ENOX2: variants seen among roughly 807,000 people sequenced by gnomAD.
ENOX2 encodes ecto-NOX disulfide-thiol exchanger 2.
A neutral mutation model predicts 45.0 loss-of-function variants in ENOX2; 36 were observed. The observed-to-expected ratio is 0.80, with a 90% CI of 0.61 to 1.06. The LOEUF is 1.06. Ranked by LOEUF, ENOX2 falls within the 50% of genes least tolerant of loss-of-function variation. The pLI, the probability that ENOX2 is intolerant of heterozygous loss-of-function variation, is 0.00. For missense variants in ENOX2, 423 were observed against 462.5 expected (o/e 0.91, Z 0.78); for synonymous variants, 174 against 152.3 (o/e 1.14, Z -1.05).
At chrX:130,870,500 T>G (rs1484362208) in intron 2 of ENOX2, among the ~76,000 whole-genome samples, 1 of 111,201 alleles carries the variant, frequency 9.0e-6, no homozygotes, top group Non-Finnish European at 1.9e-5. Context: ...CATCAGCAAA[T>G]CCCATTCTAC....
chrX:130,691,337 G>A (rs2148187531), intron 4 of ENOX2, among the ~76,000 whole-genome samples: 1 of 111,593 alleles, frequency 9.0e-6, no homozygotes, highest in South Asian at 3.8e-4. Context: ...TTTAAAATGT[G>A]AAAACTCACA....
At chrX:130,772,575 G>T (rs1030512516) in intron 3 of ENOX2, among the ~76,000 whole-genome samples, 22 of 111,839 alleles carry the variant, frequency 2.0e-4, no homozygotes, top group Non-Finnish European at 3.4e-4. Flanking sequence ...AAAAAGCCTG[G>T]TCACTGTGGT....
intron 3 of ENOX2, among the ~76,000 whole-genome samples, chrX:130,739,188 C>T (rs891753069): frequency 5.3e-5 from 6 of 112,351 alleles, no homozygotes; most frequent in African/African-American, 9.7e-5. Flanking sequence ...AATCTTTTCC[C>T]GGGCTAGTGA....
At position 130,847,150 on chromosome X, in the gene ENOX2, G is replaced by A. The variant is rs753914953; in HGVS notation, c.-183+54534C>T. Among the ~76,000 whole-genome samples, 12 of 110,706 alleles carry A rather than the reference G, an allele frequency of 1.1e-4. No homozygotes were observed. In the South Asian group the frequency reaches 4.2e-3, roughly 39 times the overall value. ...GTGAGTTCAGCCTGAGGTAAGCATT[G>A]AGGTCTAGTTTAATGGAGGATGAAG... On this transcript the variant is annotated intron_variant, in intron 2 of 14. Transcript: ENST00000394363.
In ENOX2 at chrX:130,679,676, T is replaced by C. The variant is rs2037249688; in HGVS notation, c.326A>G (p.Asn109Ser). The change falls in exon 6 of 15, where the codon AAT becomes AGT. Residue 109 changes from asparagine (N) to serine (S), a missense_variant. Physicochemically the swap from Asn to Ser is conservative, Grantham distance 46. Transcript: ENST00000394363. ...TTCCACAATGATTTGCTCTGTCCCA[T>C]TTTCAGGCAGACCACCCACAAATAC... is the stretch of plus-strand genomic sequence containing the variant. ...KTVFVGGLPENGTEQIIVEVF... is the reference protein window; with the variant it reads ...KTVFVGGLPESGTEQIIVEVF... The C allele has an allele frequency of 1.7e-6, 2 of 1,209,098 alleles. No individual in the cohort carries two copies. Among genetic ancestry groups the C allele is most frequent in the African/African-American group, 1.7e-5 (1 of 57,208 alleles).
chrX:130,633,186 T>C (rs1207042859), intron 12 of ENOX2, among the ~76,000 whole-genome samples: 3 of 112,031 alleles, frequency 2.7e-5, no homozygotes, highest in African/African-American at 9.7e-5. Flanking sequence ...GTCACACTGT[T>C]ATACTGCAAA....
intron 3 of ENOX2, among the ~76,000 whole-genome samples, chrX:130,719,680 G>A (rs772238700): frequency 3.0e-4 from 34 of 111,701 alleles, no homozygotes; most frequent in Non-Finnish European, 5.5e-4. Flanking sequence ...CCAGCCAAAG[G>A]GGTTAATGGA....
At chrX:130,732,390 T>C (rs1436219393) in intron 3 of ENOX2, among the ~76,000 whole-genome samples, 2 of 111,806 alleles carry the variant, frequency 1.8e-5, no homozygotes, top group Non-Finnish European at 3.8e-5. Context: ...TGTTCATGGA[T>C]TGAAGACTTA....
intron 2 of ENOX2, among the ~76,000 whole-genome samples, chrX:130,898,511 T>TGTGTGC (rs1231244585): frequency 4.5e-5 from 5 of 110,452 alleles, no homozygotes; most frequent in African/African-American, 1.6e-4. Flanking sequence ...TGTGCGTGTG[T>TGTGTGC]GTGTGTGTAT....
At chrX:130,860,557 C>T (rs908341670) in intron 2 of ENOX2, among the ~76,000 whole-genome samples, 1 of 111,678 alleles carries the variant, frequency 9.0e-6, no homozygotes, top group Non-Finnish European at 1.9e-5. Flanking sequence ...TAACCTCCTT[C>T]CTCAGAAGGA....
At chrX:130,746,302 C>T (rs1277011450) in intron 3 of ENOX2, among the ~76,000 whole-genome samples, 4 of 112,083 alleles carry the variant, frequency 3.6e-5, no homozygotes, top group African/African-American at 9.7e-5. Context: ...ACTTCAGTCA[C>T]GTCTGCTGTC....
chrX:130,880,344 AT>A (rs908510313), intron 2 of ENOX2, among the ~76,000 whole-genome samples: 2 of 109,985 alleles, frequency 1.8e-5, no homozygotes, highest in African/African-American at 3.3e-5. Context: ...CTATCCATGT[AT>A]TTTTTTTTCC....
intron 3 of ENOX2, among the ~76,000 whole-genome samples, chrX:130,759,493 G>C (rs748356453): frequency 9.4e-6 from 1 of 106,604 alleles, no homozygotes; most frequent in Non-Finnish European, 1.9e-5. Context: ...CCAGGAGGCT[G>C]GGGCAGGAGA....
At chrX:130,866,108 A>G (rs1466617012) in intron 2 of ENOX2, among the ~76,000 whole-genome samples, 1 of 111,277 alleles carries the variant, frequency 9.0e-6, no homozygotes, top group Non-Finnish European at 1.9e-5. Flanking sequence ...CTGTTCTTTC[A>G]TTTTCTAACA....
intron 2 of ENOX2, among the ~76,000 whole-genome samples, chrX:130,838,893 A>C (rs910310561): frequency 3.6e-5 from 4 of 111,678 alleles, no homozygotes; most frequent in African/African-American, 9.8e-5. Context: ...TTACTTACTG[A>C]ATCAGAGGAG....
chrX:130,892,150 A>C (rs774288283), intron 2 of ENOX2, among the ~76,000 whole-genome samples: 65 of 112,269 alleles, frequency 5.8e-4, no homozygotes, highest in Non-Finnish European at 1.1e-3. Context: ...TACAAGAAAG[A>C]AAAGGTTATA....
intron 2 of ENOX2, among the ~76,000 whole-genome samples, chrX:130,853,082 C>T (rs12855768): frequency 9.1e-6 from 1 of 109,781 alleles, no homozygotes; most frequent in Non-Finnish European, 1.9e-5. Context: ...GTGGTGAATT[C>T]CCTGGGTATT....
At chrX:130,632,436 CA>C in intron 12 of ENOX2, among the ~76,000 whole-genome samples, 1 of 106,125 alleles carries the variant, frequency 9.4e-6, no homozygotes, top group African/African-American at 3.4e-5. Context: ...AAAATACCTC[CA>C]GACCTTTCAT....
At chrX:130,802,078 G>T (rs185299136) in intron 2 of ENOX2, among the ~76,000 whole-genome samples, 1 of 111,824 alleles carries the variant, frequency 8.9e-6, no homozygotes, top group East Asian at 2.8e-4. Flanking sequence ...CCGCCCACAT[G>T]CCCCTCCAGA....
Sources: allele counts gnomAD v4.1 joint callset (sites outside exome capture counted in the v4.1 genomes callset), GRCh38; gene constraint gnomAD v4.1.1; transcripts MANE v1.5; gene names NCBI Gene and HGNC (gene_info 2026-07-23, HGNC 2026-07-21).